KDM2A: variants seen among roughly 807,000 people sequenced by gnomAD.
The protein encoded by KDM2A is lysine demethylase 2A.
KDM2A carries 3 observed loss-of-function variants against 137.3 expected under a neutral mutation model. The observed-to-expected ratio is 0.02, with a 90% confidence interval of 0.01 to 0.06. The LOEUF (loss-of-function observed/expected upper bound fraction) is 0.06, where lower values mean the gene tolerates loss of function less well. Ranked by LOEUF, KDM2A falls within the 10% of genes least tolerant of loss-of-function variation. KDM2A has a pLI of 1.00. For missense variants in KDM2A, 738 were observed against 1,510.6 expected (o/e 0.49, Z 8.48); for synonymous variants, 512 against 541.5 (o/e 0.95, Z 0.76).
chr11:67,139,828 G>GCCACCCAA (rs1856054007), intron 2 of KDM2A, among the ~76,000 whole-genome samples: 1 of 152,056 alleles, frequency 6.6e-6, no homozygotes. Flanking sequence ...TTCTGCCTCA[G>GCCACCCAA]GTCCTGAGTA....
intron 8 of KDM2A, among the ~76,000 whole-genome samples, chr11:67,216,600 A>G (rs1368708520): frequency 1.3e-5 from 2 of 152,244 alleles, no homozygotes; most frequent in African/African-American, 2.4e-5. Context: ...AGGAACTAGA[A>G]TGAGAATAGA....
chr11:67,203,277 T>C (rs996642883), intron 5 of KDM2A, among the ~76,000 whole-genome samples: 1 of 151,840 alleles, frequency 6.6e-6, no homozygotes, highest in East Asian at 1.9e-4. Flanking sequence ...AATGTAAATA[T>C]ATGCACTGTG....
chr11:67,221,893 C>G (rs1365130834), intron 10 of KDM2A, among the ~76,000 whole-genome samples: 3 of 151,054 alleles, frequency 2.0e-5, no homozygotes. Flanking sequence ...TATGTTGGTG[C>G]CACTGTACTC....
intron 2 of KDM2A, among the ~76,000 whole-genome samples, chr11:67,150,524 A>C (rs1049233408): frequency 6.6e-6 from 1 of 152,172 alleles, no homozygotes; most frequent in Non-Finnish European, 1.5e-5. Context: ...TTCCAGGCCA[A>C]TTAGGGAAGG....
intron 15 of KDM2A, 117 bp downstream of exon 15, chr11:67,246,233 G>C: frequency 9.1e-7 from 1 of 1,099,114 alleles, no homozygotes; most frequent in Non-Finnish European, 1.4e-6. Context: ...CAGCTCTGTG[G>C]TCACATAATG....
chr11:67,184,281 G>C (rs773764851), intron 5 of KDM2A, among the ~76,000 whole-genome samples: 13 of 150,872 alleles, frequency 8.6e-5, no homozygotes, highest in Admixed American at 2.6e-4. Flanking sequence ...GTCACTTGAG[G>C]TCAGGAGTTT....
chr11:67,217,023 C>A (rs1235517227), intron 8 of KDM2A, among the ~76,000 whole-genome samples: 1 of 151,968 alleles, frequency 6.6e-6, no homozygotes, highest in Admixed American at 6.6e-5. Flanking sequence ...GTGGGTGGAT[C>A]ATAAGGTCAG....
intron 2 of KDM2A, among the ~76,000 whole-genome samples, chr11:67,179,453 A>G (rs1185883018): frequency 1.3e-5 from 2 of 152,080 alleles, no homozygotes; most frequent in African/African-American, 4.8e-5. Context: ...TTGTATTTTT[A>G]GTAGAGACAT....
At chr11:67,203,207 A>G (rs180745348) in intron 5 of KDM2A, among the ~76,000 whole-genome samples, 11 of 152,096 alleles carry the variant, frequency 7.2e-5, no homozygotes, top group Non-Finnish European at 1.6e-4. Flanking sequence ...ATTTTTAAAT[A>G]AAAGTATGTA....
At position 67,257,975 on chromosome 11, in the gene KDM2A, A is replaced by G. The variant is rs1201577083; in HGVS notation, c.*2920A>G. 1.3e-5 allele frequency: 2 copies of G among 152,250 alleles called. No individual in the cohort carries two copies. Among genetic ancestry groups the G allele is most frequent in the Non-Finnish European group, 2.9e-5 (2 of 68,044 alleles). 9.4% of individuals were successfully genotyped at this position (152,250 alleles called of 1,614,324 possible). A position where few individuals can be genotyped will look rare whatever the true frequency, so the allele number is the denominator to read the frequency against. On this transcript the variant is annotated 3_prime_UTR_variant, in exon 21 of 21. Transcript: ENST00000529006. ...ATATTTGTGTAATAAAATTTTTAAA[A>G]GACAAAAAAAGAAATAGCCTCCAAT...
At chr11:67,143,879 G>A (rs1003695108) in intron 2 of KDM2A, among the ~76,000 whole-genome samples, 1 of 151,984 alleles carries the variant, frequency 6.6e-6, no homozygotes, top group African/African-American at 2.4e-5. Flanking sequence ...TGATCCGCCT[G>A]CGTCGGCCTC....
At chr11:67,248,091 A>G (rs370676099) in intron 15 of KDM2A, among the ~76,000 whole-genome samples, 190 bp from the exon 16 acceptor site, 2 of 152,246 alleles carry the variant, frequency 1.3e-5, no homozygotes, top group African/African-American at 4.8e-5. Flanking sequence ...AACCCAAGCT[A>G]TCAGAACCTG....
chr11:67,159,111 T>C (rs1856582196), intron 2 of KDM2A, among the ~76,000 whole-genome samples: 1 of 152,212 alleles, frequency 6.6e-6, no homozygotes, highest in African/African-American at 2.4e-5. Flanking sequence ...CCACTTAGGC[T>C]TTCTCCTCTT....
At position 67,130,699 on chromosome 11, in the gene KDM2A, T is replaced by C. The variant is rs146793443; in HGVS notation, c.42+9341T>C. ...TAATTTTCTCTGTTTATCTCACTTT[T>C]GGAATAATACTTTATTTTTGCATTG... On this transcript the variant is annotated intron_variant, in intron 2 of 20. Coordinates refer to ENST00000529006, the MANE Select transcript of KDM2A (RefSeq NM_012308.3). 3.9e-5 allele frequency among the ~76,000 whole-genome samples: 6 copies of C among 152,304 alleles called. No individual in the cohort carries two copies. The East Asian group carries it at 9.6e-4, about 24-fold the overall frequency.
At chr11:67,151,343 ATATTT>A (rs1856383031) in intron 2 of KDM2A, among the ~76,000 whole-genome samples, 3 of 151,824 alleles carry the variant, frequency 2.0e-5, no homozygotes, top group South Asian at 2.1e-4. Flanking sequence ...TACACACCAC[ATATTT>A]TATTTATTAT....
In KDM2A at chr11:67,254,055, C is replaced by T. The variant is rs1859523570; in HGVS notation, c.3092-148C>T. On this transcript the variant is annotated intron_variant, in intron 19 of 20. Coordinates refer to ENST00000529006, the MANE Select transcript of KDM2A (RefSeq NM_012308.3). This position sits in a 1 kb window ranked among gnomAD's most constrained non-coding sequence, Gnocchi z 4.7. The stretch of plus-strand genomic sequence containing the variant: ...CTAGAAACTGCCTACACCCAGTGCT[C>T]ACACCCTGAAGGCATGGCTGGGTGT... 9.2e-6 allele frequency: 6 copies of T among 654,506 alleles called. No homozygotes were observed. In the East Asian group the frequency reaches 1.6e-4, roughly 18 times the overall value. 40.5% of individuals were successfully genotyped at this position (654,506 alleles called of 1,614,324 possible).
chr11:67,228,778 C>A (rs1425961131), intron 11 of KDM2A, among the ~76,000 whole-genome samples: 1 of 151,886 alleles, frequency 6.6e-6, no homozygotes, highest in Non-Finnish European at 1.5e-5. Flanking sequence ...GCCCTGTCGT[C>A]CAAGTTGAAT....
intron 2 of KDM2A, among the ~76,000 whole-genome samples, chr11:67,122,690 T>TA (rs200866980): frequency 5.4e-5 from 8 of 146,950 alleles, no homozygotes; most frequent in African/African-American, 1.1e-4. Flanking sequence ...TTTATTTATT[T>TA]TTTGAGACAG....
At chr11:67,181,963 A>T in intron 5 of KDM2A, 71 bp downstream of exon 5, 9 of 1,292,558 alleles carry the variant, frequency 7.0e-6, no homozygotes, top group South Asian at 1.2e-5. Flanking sequence ...TAAATCTCTG[A>T]CTGAGATTTA....
Sources: allele counts gnomAD v4.1 joint callset (sites outside exome capture counted in the v4.1 genomes callset), GRCh38; gene constraint gnomAD v4.1.1; non-coding constraint Gnocchi (gnomAD v3.1); transcripts MANE v1.5; gene names NCBI Gene and HGNC (gene_info 2026-07-23, HGNC 2026-07-21).